DGKB: variants seen among roughly 807,000 people sequenced by gnomAD.
DGKB encodes the protein diacylglycerol kinase beta, also known as 90 kDa diacylglycerol kinase.
DGKB carries 67 observed loss-of-function variants against 114.3 expected under a neutral mutation model. That is an observed-to-expected ratio of 0.59 (90% CI 0.48 to 0.72). The LOEUF is 0.72. DGKB is among the 30% of genes least tolerant of loss of function. The pLI, the probability that DGKB is intolerant of heterozygous loss-of-function variation, is 0.00. For synonymous variants in DGKB, 398 were observed against 323.1 expected (o/e 1.23, Z -2.49); for missense variants, 907 against 975.2 (o/e 0.93, Z 0.93).
intron 23 of DGKB, among the ~76,000 whole-genome samples, chr7:14,269,987 T>G (rs1462710241): frequency 6.7e-6 from 1 of 149,028 alleles, no homozygotes; most frequent in Non-Finnish European, 1.5e-5. Flanking sequence ...TACTGACCTT[T>G]CTCAATTGAG....
chr7:14,563,012 G>A (rs992753761), intron 20 of DGKB, among the ~76,000 whole-genome samples: 10 of 152,146 alleles, frequency 6.6e-5, no homozygotes, highest in African/African-American at 2.4e-4. Context: ...CCAGTGAGAG[G>A]TAACTGAATC....
chr7:14,186,415 G>C (rs1039022623), intron 23 of DGKB, among the ~76,000 whole-genome samples: 1 of 152,150 alleles, frequency 6.6e-6, no homozygotes, highest in Non-Finnish European at 1.5e-5. Context: ...CTACACTGTG[G>C]GTGGGAATGT....
At chr7:14,491,778 C>T (rs1327988059) in intron 20 of DGKB, among the ~76,000 whole-genome samples, 1 of 152,002 alleles carries the variant, frequency 6.6e-6, no homozygotes, top group Admixed American at 6.6e-5. Flanking sequence ...TGTCCTCATT[C>T]TTTGTTCTCA....
chr7:14,472,877 C>G (rs1162270374), intron 21 of DGKB, among the ~76,000 whole-genome samples: 1 of 152,048 alleles, frequency 6.6e-6, no homozygotes, highest in Non-Finnish European at 1.5e-5. Flanking sequence ...TTTAGGGTAT[C>G]TGGAGGAAGA....
At chr7:14,921,621 G>T (rs1028989628) in intron 1 of DGKB, among the ~76,000 whole-genome samples, 8 of 152,262 alleles carry the variant, frequency 5.3e-5, no homozygotes, top group African/African-American at 1.7e-4. Context: ...ATATGTAAAG[G>T]CCAAGGATTC....
At chr7:14,576,830 C>T (rs1196810008) in intron 19 of DGKB, among the ~76,000 whole-genome samples, 1 of 151,950 alleles carries the variant, frequency 6.6e-6, no homozygotes, top group Non-Finnish European at 1.5e-5. Context: ...ATTTTTATGA[C>T]TAAACATGAA....
intron 23 of DGKB, among the ~76,000 whole-genome samples, chr7:14,220,101 C>T (rs1309534820): frequency 6.6e-6 from 1 of 151,570 alleles, no homozygotes; most frequent in East Asian, 1.9e-4. Context: ...CTATTGCTCC[C>T]CGGCTACAAA....
chr7:14,178,145 C>G lies in DGKB; in HGVS notation c.2129G>C (p.Ser710Thr). ...GCCGACCACCTCCAGCAGCTGGTCA[C>G]TGAGATCTGAAAGAAAGTAGATGCC... ...KELKFASQDL[S>T]DQLLEVVGLE... The change falls in exon 24 of 26, where the codon AGT (serine) becomes ACT (threonine). Residue 710 changes from serine to threonine, a missense_variant. By Grantham distance (58) the Ser-to-Thr change is moderately conservative (BLOSUM62 1). Coordinates refer to ENST00000402815, the MANE Select transcript of DGKB (RefSeq NM_001350709.2). The G allele has an allele frequency of 6.2e-7, 1 of 1,613,420 alleles. No individual in the cohort carries two copies.
intron 2 of DGKB, among the ~76,000 whole-genome samples, chr7:14,767,410 A>G (rs1232490419): frequency 2.0e-5 from 3 of 151,814 alleles, no homozygotes; most frequent in Non-Finnish European, 4.4e-5. Flanking sequence ...TGGATATAAT[A>G]ATAATGTTTT....
chr7:14,943,637 A>AACACACACACACACACACAC lies in DGKB; in HGVS notation c.-188+31058_-188+31059insGTGTGTGTGTGTGTGTGTGT, dbSNP rs563726736. ...TTTGTAATAACCAGTTTTGAAGTGA[A>AACACACACACACACACACAC]ACACACACACACATATATATATCTC... On this transcript the variant is annotated intron_variant, in intron 1 of 4. Transcript: ENST00000437998. Among the ~76,000 whole-genome samples, 347 of 151,576 alleles carry AACACACACACACACACACAC rather than the reference A, an allele frequency of 2.3e-3. 3 individuals carry two copies. Among genetic ancestry groups the AACACACACACACACACACAC allele is most frequent in the East Asian group, 8.7e-3 (45 of 5,166 alleles).
chr7:14,230,712 T>G (rs1791588415), intron 23 of DGKB, among the ~76,000 whole-genome samples: 1 of 142,580 alleles, frequency 7.0e-6, no homozygotes, highest in South Asian at 2.3e-4. Flanking sequence ...CTTACTAGTC[T>G]TATCTCTTTT....
chr7:14,771,765 A>G (rs1837443022), intron 2 of DGKB, among the ~76,000 whole-genome samples: 2 of 152,090 alleles, frequency 1.3e-5, no homozygotes, highest in Admixed American at 6.6e-5. Flanking sequence ...GGAAAAATCC[A>G]CATTCAATAG....
intron 25 of DGKB, among the ~76,000 whole-genome samples, chr7:14,155,797 G>A (rs1239798884): frequency 2.0e-5 from 3 of 152,072 alleles, no homozygotes; most frequent in East Asian, 1.9e-4. Context: ...AAAGAGAAGC[G>A]TTTTTGGTAG....
chr7:14,689,199 A>ATTTTTTCTTTTTTTTTTTTTTT (rs1822293572), intron 9 of DGKB, among the ~76,000 whole-genome samples: 1 of 76,566 alleles, frequency 1.3e-5, no homozygotes, highest in Non-Finnish European at 2.6e-5. Flanking sequence ...AACTCCTCTT[A>ATTTTTTCTTTTTTTTTTTTTTT]TTTTTTTTTT....
intron 13 of DGKB, among the ~76,000 whole-genome samples, chr7:14,658,350 G>A (rs1354457985): frequency 2.0e-5 from 3 of 152,010 alleles, no homozygotes; most frequent in African/African-American, 7.2e-5. Context: ...TCATTCATAT[G>A]TGGGAGTTAA....
At chr7:14,843,800 G>A (rs1312286689) in intron 1 of DGKB, among the ~76,000 whole-genome samples, 2 of 152,202 alleles carry the variant, frequency 1.3e-5, no homozygotes, top group African/African-American at 4.8e-5. Context: ...CTAGAGCAAA[G>A]ATCAAAACAT....
chr7:14,336,683 G>C (rs1810734783), intron 23 of DGKB, among the ~76,000 whole-genome samples: 1 of 152,098 alleles, frequency 6.6e-6, no homozygotes, highest in Non-Finnish European at 1.5e-5. Context: ...ATTTGAGTCT[G>C]GTTTGTTTGT....
intron 13 of DGKB, among the ~76,000 whole-genome samples, chr7:14,636,542 T>C (rs1382755454): frequency 1.3e-5 from 2 of 151,892 alleles, no homozygotes; most frequent in African/African-American, 4.8e-5. Flanking sequence ...ATACATCCAG[T>C]GTACTAGGAA....
intron 21 of DGKB, among the ~76,000 whole-genome samples, chr7:14,416,565 T>G (rs1180679206): frequency 6.6e-6 from 1 of 152,050 alleles, no homozygotes; most frequent in East Asian, 1.9e-4. Context: ...GGGAGGTAAT[T>G]GAATCATGGG....
Sources: allele counts gnomAD v4.1 joint callset (sites outside exome capture counted in the v4.1 genomes callset), GRCh38; gene constraint gnomAD v4.1.1; transcripts MANE v1.5; gene names NCBI Gene and HGNC (gene_info 2026-07-23, HGNC 2026-07-21).